Variants in PAPPA2 observed in about 807,000 individuals in gnomAD.
PAPPA2 encodes pappalysin-2.
In PAPPA2, 86 loss-of-function variants were observed where a neutral mutation model predicts 176.4. The ratio of observed to expected loss-of-function variants is 0.49; its 90% CI spans 0.41 to 0.58. The LOEUF (loss-of-function observed/expected upper bound fraction) is 0.58. PAPPA2 is among the 20% of genes least tolerant of loss of function. The pLI is 0.00. For synonymous variants in PAPPA2, 809 were observed against 852.2 expected (o/e 0.95, Z 0.88); for missense variants, 2,073 against 2,256.9 (o/e 0.92, Z 1.65).
At chr1:176,749,378 A>C (rs983785992) in intron 14 of PAPPA2, among the ~76,000 whole-genome samples, 1 of 152,086 alleles carries the variant, frequency 6.6e-6, no homozygotes, top group East Asian at 1.9e-4. Context: ...ATGCCTAGCC[A>C]CTCCTGCTAT....
chr1:176,516,598 G>A lies in PAPPA2; in HGVS notation c.-916-38809G>A, dbSNP rs114846322. On this transcript the variant is annotated intron_variant, in intron 1 of 22. Coordinates refer to ENST00000367662, the MANE Select transcript of PAPPA2 (RefSeq NM_020318.3). Reference sequence around the variant, plus strand: ...CCCTTATAAAAGAGCTTGAGGGAACGAATTCTGTTCTTCCATCCCTTCTGC... The same window carrying A: ...CCCTTATAAAAGAGCTTGAGGGAACAAATTCTGTTCTTCCATCCCTTCTGC... 5.9e-3 allele frequency among the ~76,000 whole-genome samples: 894 copies of A among 152,208 alleles called. 8 individuals carry two copies. The highest frequency in any genetic ancestry group is 0.019 in the African/African-American group (777 of 41,528).
At chr1:176,616,723 G>C in intron 3 of PAPPA2, 15 of 1,406,194 alleles carry the variant, frequency 1.1e-5, no homozygotes, top group Non-Finnish European at 1.5e-5. Context: ...GTTGGATTGT[G>C]TGTAATAGGA....
chr1:176,743,951 C>A (rs1662795068), intron 14 of PAPPA2, among the ~76,000 whole-genome samples: 1 of 152,120 alleles, frequency 6.6e-6, no homozygotes, highest in Non-Finnish European at 1.5e-5. Flanking sequence ...GGATTGATGA[C>A]CATAATTGAA....
At position 176,740,121 on chromosome 1, in the gene PAPPA2, C is replaced by T. The variant is rs1662605988; in HGVS notation, c.4076C>T (p.Thr1359Ile). ...GGCATCTCAGCTGTGGCTCTAAGGA[C>T]ATCCTCCCGCATTGGTCTTTCGGCT... ...RVGISAVALR[T>I]SSRIGLSAPS... is the part of the protein sequence containing the mutation. The change falls in exon 14 of 23, where the codon ACA becomes ATA. Residue 1359 changes from threonine to isoleucine, a missense_variant. Physicochemically the swap from Thr to Ile is moderately conservative, Grantham distance 89. Around this residue, in one of 4 missense-constraint regions of PAPPA2, gnomAD observed 846 missense variants for 857.9 expected, o/e 0.99. Coordinates refer to ENST00000367662, the MANE Select transcript of PAPPA2 (RefSeq NM_020318.3). The T allele has an allele frequency of 6.2e-7, 1 of 1,613,752 alleles. No homozygotes were observed. The highest frequency in any genetic ancestry group is 8.5e-7 in the Non-Finnish European group (1 of 1,179,870).
chr1:176,518,285 C>T (rs1330915855), intron 1 of PAPPA2, among the ~76,000 whole-genome samples: 1 of 152,036 alleles, frequency 6.6e-6, no homozygotes, highest in Non-Finnish European at 1.5e-5. Flanking sequence ...TTAGGAATAC[C>T]TCATGCTGTG....
intron 1 of PAPPA2, among the ~76,000 whole-genome samples, chr1:176,486,740 C>T (rs888056496): frequency 1.3e-5 from 2 of 151,766 alleles, no homozygotes; most frequent in Non-Finnish European, 2.9e-5. Context: ...CAGCAAAGGA[C>T]GATGAGAGGG....
chr1:176,714,369 AC>A (rs1170912199), intron 12 of PAPPA2, among the ~76,000 whole-genome samples: 10 of 151,986 alleles, frequency 6.6e-5, no homozygotes, highest in African/African-American at 2.4e-4. Context: ...AAAAAAGAAT[AC>A]TTTTTCTCTT....
intron 1 of PAPPA2, among the ~76,000 whole-genome samples, chr1:176,536,694 G>A (rs559535488): frequency 6.6e-6 from 1 of 152,344 alleles, no homozygotes; most frequent in Admixed American, 6.5e-5. Context: ...AGCAGCAAGA[G>A]AAAGCATGCC....
chr1:176,823,750 AC>A (rs1451478480), intron 21 of PAPPA2, among the ~76,000 whole-genome samples: 1 of 152,112 alleles, frequency 6.6e-6, no homozygotes, highest in African/African-American at 2.4e-5. Context: ...CCTCCCATTC[AC>A]CAGATATGGT....
intron 19 of PAPPA2, among the ~76,000 whole-genome samples, chr1:176,793,301 GGGTTATCCT>G (rs1166775715): frequency 6.6e-6 from 1 of 152,122 alleles, no homozygotes; most frequent in Non-Finnish European, 1.5e-5. Flanking sequence ...TCCAGAGGAG[GGGTTATCCT>G]GGACAGGACA....
intron 3 of PAPPA2, among the ~76,000 whole-genome samples, chr1:176,599,683 G>GT (rs988758951): frequency 2.0e-5 from 3 of 151,254 alleles, no homozygotes; most frequent in East Asian, 1.9e-4. Context: ...ATTTGGAATT[G>GT]TTTTTTTGTG....
intron 2 of PAPPA2, among the ~76,000 whole-genome samples, chr1:176,559,218 T>A (rs1383164702): frequency 6.6e-6 from 1 of 152,244 alleles, no homozygotes; most frequent in Non-Finnish European, 1.5e-5. Context: ...GCAGAAAATC[T>A]TTTGCAGACT....
At chr1:176,761,211 A>C (rs1028074093) in intron 14 of PAPPA2, among the ~76,000 whole-genome samples, 1 of 152,212 alleles carries the variant, frequency 6.6e-6, no homozygotes, top group African/African-American at 2.4e-5. Flanking sequence ...GGAGAGACAA[A>C]GAGCAAATCT....
chr1:176,797,818 T>C (rs1197062452), intron 20 of PAPPA2, among the ~76,000 whole-genome samples: 2 of 152,144 alleles, frequency 1.3e-5, no homozygotes, highest in Admixed American at 6.6e-5. Flanking sequence ...GAAATTTCCC[T>C]CCAATTATAA....
intron 1 of PAPPA2, among the ~76,000 whole-genome samples, chr1:176,504,173 A>G (rs868414840): frequency 6.6e-6 from 1 of 152,108 alleles, no homozygotes; most frequent in Non-Finnish European, 1.5e-5. Context: ...TTCTGTGTAC[A>G]CTAAGCAGCA....
At chr1:176,518,254 ATAAGAATACATTT>A in intron 1 of PAPPA2, among the ~76,000 whole-genome samples, 1 of 152,162 alleles carries the variant, frequency 6.6e-6, no homozygotes, top group South Asian at 2.1e-4. Flanking sequence ...CTAACTTTAA[ATAAGAATACATTT>A]GAGGAAATTA....
intron 3 of PAPPA2, among the ~76,000 whole-genome samples, chr1:176,657,515 A>G (rs770951231): frequency 1.3e-5 from 2 of 152,022 alleles, no homozygotes; most frequent in African/African-American, 2.4e-5. Context: ...AAAACACGGA[A>G]CAGAGAAGCT....
At chr1:176,661,677 T>C (rs139845484) in intron 3 of PAPPA2, among the ~76,000 whole-genome samples, 3 of 151,852 alleles carry the variant, frequency 2.0e-5, no homozygotes, top group African/African-American at 7.2e-5. Context: ...AAGGCGGTCA[T>C]CTCCCAGTCA....
chr1:176,547,418 A>G (rs1246629382), intron 1 of PAPPA2, among the ~76,000 whole-genome samples: 2 of 152,174 alleles, frequency 1.3e-5, no homozygotes, highest in Non-Finnish European at 2.9e-5. Context: ...AGATTATATA[A>G]TCATGTCTAT....
Sources: allele counts gnomAD v4.1 joint callset (sites outside exome capture counted in the v4.1 genomes callset), GRCh38; gene constraint gnomAD v4.1.1; regional missense constraint gnomAD v4.1.1; transcripts MANE v1.5; gene names NCBI Gene and HGNC (gene_info 2026-07-23, HGNC 2026-07-21).